The following NALCN variants were observed in gnomAD, a reference collection of about 807,000 sequenced individuals.
NALCN encodes the protein sodium leak channel NALCN.
A neutral mutation model predicts 225.3 loss-of-function variants in NALCN; 111 were observed. The ratio of observed to expected loss-of-function variants is 0.49; its 90% CI spans 0.42 to 0.58. NALCN has a LOEUF of 0.58. NALCN is among the 20% of genes least tolerant of loss of function. The probability of loss-of-function intolerance (pLI) is 0.00; values close to 1 mark genes in which losing one functional copy is unlikely to be tolerated. For missense variants in NALCN, 1,378 were observed against 2,202.4 expected (o/e 0.63, Z 7.49); for synonymous variants, 764 against 769.0 (o/e 0.99, Z 0.11).
At chr13:101,371,656 G>C (rs1466417195) in intron 6 of NALCN, among the ~76,000 whole-genome samples, 2 of 152,114 alleles carry the variant, frequency 1.3e-5, no homozygotes, top group Admixed American at 1.3e-4. Flanking sequence ...CTGATGCAGA[G>C]GACAAAATAA....
chr13:101,309,493 T>C (rs964731945), intron 7 of NALCN, among the ~76,000 whole-genome samples: 1 of 152,196 alleles, frequency 6.6e-6, no homozygotes, highest in African/African-American at 2.4e-5. Context: ...CATCTGTCAA[T>C]CAAAGCATGC....
intron 12 of NALCN, among the ~76,000 whole-genome samples, chr13:101,237,335 C>A (rs975918091): frequency 6.6e-6 from 1 of 151,912 alleles, no homozygotes; most frequent in Admixed American, 6.6e-5. Flanking sequence ...CGTTGTTGAG[C>A]AAACACTTAG....
chr13:101,200,684 A>G (rs557010342), intron 13 of NALCN, among the ~76,000 whole-genome samples: 12 of 152,258 alleles, frequency 7.9e-5, no homozygotes, highest in African/African-American at 2.9e-4. Flanking sequence ...GAGCCAGATC[A>G]TCAATAGCAG....
Position 101,104,631 on chromosome 13 carries a change from T to C in NALCN, c.2656A>G (p.Thr886Ala), listed in dbSNP as rs758482432. The C allele has an allele frequency of 1.9e-6, 3 of 1,613,840 alleles. No individual in the cohort carries two copies. The highest frequency in any genetic ancestry group is 1.7e-5 in the Admixed American group (1 of 59,998). Residue 886 changes from threonine to alanine, a missense_variant, in exon 24 of 44, where the codon ACT becomes GCT. Physicochemically the swap from Thr to Ala is moderately conservative, Grantham distance 58. This residue lies in a region of NALCN where 292 missense variants were observed against 409.5 expected (regional missense o/e 0.71). Transcript: ENST00000251127. This position sits in a 1 kb window ranked among gnomAD's most constrained non-coding sequence, Gnocchi z 4.2. Reference sequence around the variant, plus strand: ...ATGATCATGACCCAGTCCAGGTAAGTGACCAATCCCAGCAAATCACTGCCA... The same window carrying C: ...ATGATCATGACCCAGTCCAGGTAAGCGACCAATCCCAGCAAATCACTGCCA... ...HQLYDLLGLV[T>A]YLDWVMIIVT...
chr13:101,171,368 T>A (rs758812303), intron 15 of NALCN, among the ~76,000 whole-genome samples: 22 of 149,662 alleles, frequency 1.5e-4, no homozygotes, highest in Non-Finnish European at 3.0e-4. Context: ...TATTTTTGTA[T>A]TTAATGTATG....
In NALCN at chr13:101,111,224, G is replaced by T; in HGVS notation, c.2195C>A (p.Ala732Asp). 1 of 1,581,152 alleles carries T rather than the reference G, an allele frequency of 6.3e-7. No homozygotes were observed. The change falls in exon 19 of 44, where the codon GCT becomes GAT. Residue 732 changes from alanine to aspartate, a missense_variant and splice_region_variant. By Grantham distance (126) the Ala-to-Asp change is moderately radical. Coordinates refer to ENST00000251127, the MANE Select transcript of NALCN (RefSeq NM_052867.4). ...GCTCAGCATGCGCTGTCGGGTGCAA[G>T]CTCTAGGAAAAAAAAAGGAGCCCAA... ...KETAVTKILR[A>D]CTRQRMLSGS...
intron 12 of NALCN, 111 bp from the exon 13 acceptor site, chr13:101,229,695 C>T (rs1160406478): frequency 3.3e-6 from 3 of 919,274 alleles, no homozygotes; most frequent in East Asian, 6.3e-5. Context: ...GAAAATCATA[C>T]CTCTCTATTT....
At chr13:101,363,187 C>T (rs997076055) in intron 6 of NALCN, among the ~76,000 whole-genome samples, 2 of 152,046 alleles carry the variant, frequency 1.3e-5, no homozygotes, top group African/African-American at 4.8e-5. Context: ...AGTTTCAATG[C>T]AATCTCTATC....
At chr13:101,159,443 A>G (rs1171813981) in intron 15 of NALCN, among the ~76,000 whole-genome samples, 1 of 152,208 alleles carries the variant, frequency 6.6e-6, no homozygotes, top group Non-Finnish European at 1.5e-5. Context: ...CATGTTGCCT[A>G]TGCTGGGGAT....
At chr13:101,400,544 A>AGTGTGTGTGTGTGT (rs376844190) in intron 1 of NALCN, among the ~76,000 whole-genome samples, 2 of 135,150 alleles carry the variant, frequency 1.5e-5, no homozygotes, top group South Asian at 2.5e-4. Context: ...ACATGTTTGC[A>AGTGTGTGTGTGTGT]GTGTGTGTGT....
rs181740726 is a variant in NALCN at position 101,268,447 on chromosome 13, A to G, written c.1135-9873T>C. Among the ~76,000 whole-genome samples, 674 of 152,274 alleles carry G rather than the reference A, an allele frequency of 4.4e-3. 9 individuals are homozygous for G. The highest frequency in any genetic ancestry group is 0.015 in the African/African-American group (615 of 41,568). Reference sequence around the variant, plus strand: ...CTGTAGGGTATTTGAAAACTCATACATTGATCATAAATAATAACCCTTGTG... The same window carrying G: ...CTGTAGGGTATTTGAAAACTCATACGTTGATCATAAATAATAACCCTTGTG... On this transcript the variant is annotated intron_variant, in intron 10 of 43. Transcript: ENST00000251127.
intron 12 of NALCN, among the ~76,000 whole-genome samples, chr13:101,231,692 T>C (rs2041354905): frequency 6.6e-6 from 1 of 152,194 alleles, no homozygotes; most frequent in Non-Finnish European, 1.5e-5. Flanking sequence ...AGAGATTGAG[T>C]TGTCTGTTAA....
chr13:101,133,398 A>G (rs1235092208), intron 17 of NALCN, among the ~76,000 whole-genome samples: 1 of 152,234 alleles, frequency 6.6e-6, no homozygotes, highest in Non-Finnish European at 1.5e-5. Flanking sequence ...AGTGGTTATA[A>G]AAACATATGA....
chr13:101,108,376 C>T (rs978665311), intron 20 of NALCN, among the ~76,000 whole-genome samples: 39 of 152,188 alleles, frequency 2.6e-4, no homozygotes, highest in African/African-American at 9.2e-4. Context: ...TCCTTATTCT[C>T]ATAGGATGTT....
intron 15 of NALCN, among the ~76,000 whole-genome samples, chr13:101,173,556 A>G (rs1218425971): frequency 6.6e-6 from 1 of 152,168 alleles, no homozygotes; most frequent in Non-Finnish European, 1.5e-5. Context: ...AAGTGAAAAC[A>G]TAAAACACTT....
chr13:101,059,979 C>A lies in NALCN; in HGVS notation c.4756-12G>T. ...GACTGCTGCTGTTTCTATGGAAATG[C>A]GATTGTTTGTTCAGTAAAATAAGCC... On this transcript the variant is annotated splice_polypyrimidine_tract_variant and intron_variant, in intron 41 of 43. Transcript: ENST00000251127. 1 of 1,613,378 alleles carries A rather than the reference C, an allele frequency of 6.2e-7. No homozygotes were observed. Among genetic ancestry groups the A allele is most frequent in the South Asian group, 1.1e-5 (1 of 91,054 alleles).
Position 101,058,018 on chromosome 13 carries a change from C to T in NALCN, c.4944G>A (p.Ser1648=), listed in dbSNP as rs756041305. Residue 1648 remains serine (S), a synonymous_variant, in exon 43 of 44, where the codon TCG becomes TCA. Transcript: ENST00000251127. ...SQQQLLSPTL[S]DRGGSRQDAA... ...CATCTTGCCGACTTCCTCCTCGATC[C>T]GACAGCGTGGGGCTCAGGAGCTGCT... is the stretch of plus-strand genomic sequence containing the variant. 3.5e-5 allele frequency: 57 copies of T among 1,613,536 alleles called. No homozygotes were observed. Among genetic ancestry groups the T allele is most frequent in the Middle Eastern group, 1.6e-4 (1 of 6,084 alleles).
At chr13:101,097,951 G>A (rs1411172062) in intron 27 of NALCN, among the ~76,000 whole-genome samples, 2 of 152,148 alleles carry the variant, frequency 1.3e-5, no homozygotes, top group East Asian at 3.9e-4. Flanking sequence ...AAGCATTCAA[G>A]GCAGAAATAG....
chr13:101,301,946 A>G (rs2043987816), intron 7 of NALCN, among the ~76,000 whole-genome samples: 3 of 152,170 alleles, frequency 2.0e-5, no homozygotes, highest in African/African-American at 4.8e-5. Context: ...AAGCTTTTCA[A>G]TTGTCCTAAA....
Sources: allele counts gnomAD v4.1 joint callset (sites outside exome capture counted in the v4.1 genomes callset), GRCh38; gene constraint gnomAD v4.1.1; regional missense constraint gnomAD v4.1.1; non-coding constraint Gnocchi (gnomAD v3.1); transcripts MANE v1.5; gene names NCBI Gene and HGNC (gene_info 2026-07-23, HGNC 2026-07-21).